CNTN6: variants seen among roughly 807,000 people sequenced by gnomAD.
CNTN6 encodes the protein contactin 6, also known as contactin-6.
Under a neutral mutation model 122.8 loss-of-function variants are expected in CNTN6, and 137 were observed. The observed-to-expected ratio is 1.12, with a 90% CI of 0.97 to 1.29. The LOEUF is 1.29. Among genes scored for constraint, CNTN6 ranks in the 50% most tolerant of loss-of-function variants. CNTN6 has a pLI of 0.00. For synonymous variants in CNTN6, 570 were observed against 426.0 expected (o/e 1.34, Z -4.16); for missense variants, 1,634 against 1,223.4 (o/e 1.34, Z -5.01).
intron 2 of CNTN6, among the ~76,000 whole-genome samples, chr3:1,155,916 C>T (rs2092952195): frequency 1.3e-5 from 2 of 152,222 alleles, no homozygotes; most frequent in Non-Finnish European, 2.9e-5. Flanking sequence ...TCATAAAGCA[C>T]GGCTGATTTT....
intron 2 of CNTN6, chr3:1,173,251 G>C (rs1206647571): frequency 3.7e-5 from 17 of 456,444 alleles, no homozygotes; most frequent in Non-Finnish European, 3.1e-5. Context: ...CTTCGTCTCT[G>C]GCTTCTTCAT....
chr3:1,188,144 C>A (rs1377757380), intron 2 of CNTN6, among the ~76,000 whole-genome samples: 1 of 152,148 alleles, frequency 6.6e-6, no homozygotes, highest in African/African-American at 2.4e-5. Context: ...TGCTTAATAG[C>A]AATTGAAAAA....
intron 1 of CNTN6, among the ~76,000 whole-genome samples, chr3:1,139,420 T>C (rs1244034999): frequency 6.6e-6 from 1 of 152,172 alleles, no homozygotes; most frequent in Non-Finnish European, 1.5e-5. Context: ...AACTTACTTT[T>C]CAAGACCAAC....
chr3:1,108,897 T>G (rs976264472), intron 1 of CNTN6, among the ~76,000 whole-genome samples: 2 of 152,088 alleles, frequency 1.3e-5, no homozygotes, highest in East Asian at 3.8e-4. Context: ...TTTGTCAGAC[T>G]GTTTAGACAC....
chr3:1,144,338 G>A (rs1283483027), intron 1 of CNTN6, among the ~76,000 whole-genome samples: 11 of 152,094 alleles, frequency 7.2e-5, no homozygotes, highest in African/African-American at 2.4e-4. Context: ...CACTTTGGGA[G>A]GCCAAGATGG....
At chr3:1,317,400 A>G (rs1201458245) in intron 7 of CNTN6, among the ~76,000 whole-genome samples, 4 of 151,822 alleles carry the variant, frequency 2.6e-5, no homozygotes, top group Non-Finnish European at 5.9e-5. Flanking sequence ...CTGGATGAAT[A>G]CAGCAGGAAA....
chr3:1,109,857 TG>T (rs1033212569), intron 1 of CNTN6, among the ~76,000 whole-genome samples: 4 of 152,114 alleles, frequency 2.6e-5, no homozygotes, highest in African/African-American at 9.6e-5. Flanking sequence ...AATTTTTAAA[TG>T]CTTCTTCCCA....
intron 20 of CNTN6, among the ~76,000 whole-genome samples, chr3:1,387,565 G>A (rs1357064597): frequency 4.6e-5 from 7 of 151,998 alleles, no homozygotes; most frequent in South Asian, 4.2e-4. Context: ...TGTGTAGGGG[G>A]AGGAGCCAAG....
At chr3:1,333,098 T>C (rs558796363) in intron 11 of CNTN6, among the ~76,000 whole-genome samples, 38 of 152,080 alleles carry the variant, frequency 2.5e-4, no homozygotes, top group African/African-American at 8.9e-4. Context: ...GTGGGTGGGG[T>C]GTGGGTAGAT....
rs1184847330 is a variant in CNTN6, at chr3:1,383,140, C to T, written c.2365C>T (p.Leu789=). The change falls in exon 18 of 23, where the codon CTG becomes TTG. Residue 789 remains leucine (L), a synonymous_variant. Transcript: ENST00000446702. ...GVYNNEGEGS[L]STVTIVYSGE... ...GTATAATAATGAAGGAGAAGGATCC[C>T]TGAGTACTGTGACCATTGTCTACTC... The T allele has an allele frequency of 6.2e-7, 1 of 1,614,010 alleles. No homozygotes were observed. Among genetic ancestry groups the T allele is most frequent in the Non-Finnish European group, 8.5e-7 (1 of 1,179,918 alleles).
chr3:1,113,329 G>A (rs2091568428), intron 1 of CNTN6, among the ~76,000 whole-genome samples: 1 of 152,072 alleles, frequency 6.6e-6, no homozygotes, highest in African/African-American at 2.4e-5. Context: ...CTGTATTTGT[G>A]TATTCTTCTG....
intron 11 of CNTN6, among the ~76,000 whole-genome samples, chr3:1,341,491 C>T (rs1219383897): frequency 3.3e-5 from 5 of 151,948 alleles, no homozygotes; most frequent in Non-Finnish European, 7.4e-5. Context: ...ATTGTATTTC[C>T]TTAACATTTT....
intron 2 of CNTN6, among the ~76,000 whole-genome samples, chr3:1,201,780 G>C (rs1172723400): frequency 2.0e-5 from 3 of 151,996 alleles, no homozygotes; most frequent in Non-Finnish European, 2.9e-5. Context: ...GGGACCTTCT[G>C]AATCATATTA....
intron 2 of CNTN6, among the ~76,000 whole-genome samples, chr3:1,163,841 T>C (rs943182553): frequency 2.6e-5 from 4 of 152,224 alleles, no homozygotes; most frequent in African/African-American, 9.6e-5. Flanking sequence ...TAGCAGCTGA[T>C]GTCGTAAGAA....
intron 1 of CNTN6, among the ~76,000 whole-genome samples, chr3:1,118,820 C>T (rs2091832139): frequency 6.6e-6 from 1 of 151,896 alleles, no homozygotes; most frequent in Admixed American, 6.6e-5. Flanking sequence ...GACTGAAGAC[C>T]TTGGTGTTAA....
chr3:1,318,896 A>T (rs1700475659), intron 7 of CNTN6, among the ~76,000 whole-genome samples: 1 of 151,914 alleles, frequency 6.6e-6, no homozygotes, highest in African/African-American at 2.4e-5. Context: ...TACAAAGTAC[A>T]TAGGAATCTG....
At chr3:1,278,793 C>T (rs1004301805) in intron 5 of CNTN6, among the ~76,000 whole-genome samples, 5 of 152,114 alleles carry the variant, frequency 3.3e-5, no homozygotes, top group African/African-American at 9.7e-5. Flanking sequence ...AGCTGTAATT[C>T]GGTGCTGTGA....
intron 7 of CNTN6, among the ~76,000 whole-genome samples, chr3:1,302,481 TG>T (rs1009383719): frequency 2.0e-5 from 3 of 151,968 alleles, no homozygotes; most frequent in Admixed American, 6.6e-5. Flanking sequence ...TTTTAATAGA[TG>T]GGGGAAAGAG....
At chr3:1,181,931 C>T (rs1273925806) in intron 2 of CNTN6, among the ~76,000 whole-genome samples, 1 of 151,992 alleles carries the variant, frequency 6.6e-6, no homozygotes, top group Admixed American at 6.6e-5. Context: ...ACCTCCTCTG[C>T]CTATCATCGC....
Sources: allele counts gnomAD v4.1 joint callset (sites outside exome capture counted in the v4.1 genomes callset), GRCh38; gene constraint gnomAD v4.1.1; transcripts MANE v1.5; gene names NCBI Gene and HGNC (gene_info 2026-07-23, HGNC 2026-07-21).